The following NNT variants were observed in gnomAD, a reference collection of about 807,000 sequenced individuals.
NNT encodes NAD(P) transhydrogenase, mitochondrial.
NNT carries 50 observed loss-of-function variants against 104.8 expected under a neutral mutation model. That is an observed-to-expected ratio of 0.48 (90% CI 0.38 to 0.60). NNT has a LOEUF of 0.60. NNT is among the 20% of genes least tolerant of loss of function. NNT has a pLI of 0.00. For synonymous variants in NNT, 461 were observed against 490.4 expected, an observed-to-expected ratio of 0.94 and a Z score of 0.79; for missense variants, 1,131 against 1,330.7, an observed-to-expected ratio of 0.85 and a Z score of 2.33.
At chr5:43,675,775 A>G (rs1448230522) in intron 18 of NNT, 105 bp downstream of exon 18, 4 of 831,720 alleles carry the variant, frequency 4.8e-6, no homozygotes, top group Non-Finnish European at 6.9e-6. Flanking sequence ...TTTAGTTTTG[A>G]AAATATAATG....
rs184139400 is a variant in NNT at position 43,616,092 on chromosome 5, C to T, written c.599+27C>T. 6.8e-4 allele frequency: 1,076 copies of T among 1,576,272 alleles called. 2 individuals carry two copies. The highest frequency in any genetic ancestry group is 5.8e-4 in the East Asian group (26 of 44,648). On this transcript the variant is annotated intron_variant, in intron 4 of 21. Coordinates refer to ENST00000344920, the MANE Select transcript of NNT (RefSeq NM_182977.3). The stretch of plus-strand genomic sequence containing the variant: ...TAGGTTCTTTTCCATTTCAATTGAA[C>T]AAAAGCGCAATAGTGCTACAGAAAC...
intron 19 of NNT, among the ~76,000 whole-genome samples, chr5:43,699,019 G>GATTC (rs529365622): frequency 3.2e-3 from 479 of 151,708 alleles, no homozygotes; most frequent in East Asian, 0.019. Flanking sequence ...TTTATTTTTG[G>GATTC]ATTCATTCAT....
chr5:43,692,363 G>T (rs748529585), intron 19 of NNT, among the ~76,000 whole-genome samples: 8 of 151,746 alleles, frequency 5.3e-5, no homozygotes, highest in East Asian at 1.9e-4. Flanking sequence ...TTGCTTTCTC[G>T]CCCAGGCTGG....
intron 11 of NNT, 101 bp from the exon 12 acceptor site, chr5:43,650,376 C>G: frequency 2.5e-6 from 2 of 797,078 alleles, no homozygotes; most frequent in South Asian, 1.8e-5. Context: ...ATATTGAGAA[C>G]TTTACCCTCT....
intron 17 of NNT, among the ~76,000 whole-genome samples, chr5:43,662,496 T>A (rs1463323207): frequency 1.3e-5 from 2 of 152,182 alleles, no homozygotes; most frequent in Admixed American, 1.3e-4. Context: ...TCCTATTCTG[T>A]ATATAGAACT....
At chr5:43,622,564 G>A (rs1309137465) in intron 5 of NNT, among the ~76,000 whole-genome samples, 1 of 152,156 alleles carries the variant, frequency 6.6e-6, no homozygotes, top group Non-Finnish European at 1.5e-5. Context: ...CACCTGCCTG[G>A]CCCCGTACTA....
chr5:43,653,900 A>G (rs749783991), intron 14 of NNT, among the ~76,000 whole-genome samples: 5 of 151,824 alleles, frequency 3.3e-5, no homozygotes, highest in Admixed American at 1.3e-4. Context: ...GGTTGCAGTG[A>G]GCTGTGATCA....
rs572437377 is a variant in NNT, at chr5:43,651,388, C to T, written c.1718-351C>T. Among the ~76,000 whole-genome samples the T allele has an allele frequency of 3.3e-5, 5 of 151,976 alleles. No individual in the cohort carries two copies. In the East Asian group the frequency reaches 9.7e-4, roughly 29 times the overall value. ...GGTCAGGAGTTCGAGACCAGCCTGG[C>T]CAACACGATGAAACCCCCCTCTCTA... On this transcript the variant is annotated intron_variant, in intron 12 of 21. Coordinates refer to ENST00000344920, the MANE Select transcript of NNT (RefSeq NM_182977.3).
intron 17 of NNT, among the ~76,000 whole-genome samples, chr5:43,671,919 A>G (rs965134463): frequency 2.0e-5 from 3 of 152,194 alleles, no homozygotes; most frequent in African/African-American, 7.2e-5. Context: ...TTTCAGGTAC[A>G]CCAATGAGAC....
At chr5:43,676,541 A>C (rs35663171) in intron 18 of NNT, among the ~76,000 whole-genome samples, 7,433 of 152,258 alleles carry the variant, frequency 0.049, 257 homozygotes, top group East Asian at 0.2. Context: ...AAAGATGGGA[A>C]TGCTACTGTC....
chr5:43,625,402 G>T (rs1274224161), intron 6 of NNT, among the ~76,000 whole-genome samples: 1 of 152,040 alleles, frequency 6.6e-6, no homozygotes. Flanking sequence ...TGTTATACGG[G>T]TATCTCAAGT....
At chr5:43,652,747 C>T (rs879526021) in intron 13 of NNT, among the ~76,000 whole-genome samples, 2 of 152,164 alleles carry the variant, frequency 1.3e-5, no homozygotes, top group Non-Finnish European at 2.9e-5. Flanking sequence ...GCCCCTGGCA[C>T]TTACCTCAGG....
rs1226434801 is a variant in NNT at position 43,675,664 on chromosome 5, A to G, written c.2788A>G (p.Thr930Ala). 3.1e-6 allele frequency: 5 copies of G among 1,594,002 alleles called. No homozygotes were observed. The highest frequency in any genetic ancestry group is 1.3e-5 in the African/African-American group (1 of 74,086). ...TCGAGAAGCTAATAGCATTATTATT[A>G]CACCAGGTAAAGAAAAAAAGCAAAA... ...MIREANSIII[T>A]PGYGLCAAKA... The change falls in exon 18 of 22, where the codon ACA becomes GCA. Residue 930 changes from threonine (T) to alanine (A), a missense_variant. Transcript: ENST00000344920.
intron 7 of NNT, 60 bp downstream of exon 7, chr5:43,628,447 A>G: frequency 7.7e-7 from 1 of 1,303,982 alleles, no homozygotes; most frequent in South Asian, 1.6e-5. Context: ...TTTAAAAAAA[A>G]GCGAGAGTGA....
intron 17 of NNT, among the ~76,000 whole-genome samples, chr5:43,664,029 G>A (rs1349334636): frequency 6.6e-6 from 1 of 152,142 alleles, no homozygotes; most frequent in Non-Finnish European, 1.5e-5. Flanking sequence ...CTAGAACAGG[G>A]TGATTTTATT....
intron 13 of NNT, among the ~76,000 whole-genome samples, chr5:43,652,197 C>T (rs574206800): frequency 3.3e-5 from 5 of 152,136 alleles, no homozygotes; most frequent in South Asian, 4.2e-4. Context: ...AGCTAGATTG[C>T]GGTGGATTTA....
chr5:43,690,379 T>C (rs142894348), intron 19 of NNT, among the ~76,000 whole-genome samples: 7 of 152,300 alleles, frequency 4.6e-5, no homozygotes, highest in African/African-American at 1.7e-4. Context: ...TTAAATGTCA[T>C]GTAGAACAAC....
At chr5:43,678,679 C>T (rs75301758) in intron 19 of NNT, among the ~76,000 whole-genome samples, 21,948 of 152,110 alleles carry the variant, frequency 0.14, 2,144 homozygotes, top group South Asian at 0.26. Flanking sequence ...AACCTGTGCC[C>T]TGGTTACTGT....
At chr5:43,695,194 A>C (rs1742495715) in intron 19 of NNT, among the ~76,000 whole-genome samples, 2 of 152,136 alleles carry the variant, frequency 1.3e-5, no homozygotes, top group Non-Finnish European at 2.9e-5. Context: ...AAGATGTCGA[A>C]AACAATTTCT....
Sources: allele counts gnomAD v4.1 joint callset (sites outside exome capture counted in the v4.1 genomes callset), GRCh38; gene constraint gnomAD v4.1.1; transcripts MANE v1.5; gene names NCBI Gene and HGNC (gene_info 2026-07-23, HGNC 2026-07-21).